FAM107A: variants seen among roughly 807,000 people sequenced by gnomAD.
FAM107A encodes actin-associated protein FAM107A.
FAM107A carries 19 observed loss-of-function variants against 13.7 expected under a neutral mutation model. That is an observed-to-expected ratio of 1.38 (90% CI 0.97 to 2.03). The LOEUF is 2.03. Ranked by LOEUF, FAM107A falls within the 30% of genes most tolerant of loss-of-function variation. The pLI, the probability that FAM107A is intolerant of heterozygous loss-of-function variation, is 0.00. For missense variants in FAM107A, 203 were observed against 184.4 expected, an observed-to-expected ratio of 1.10 and a Z score of -0.58; for synonymous variants, 82 against 74.5, an observed-to-expected ratio of 1.10 and a Z score of -0.52.
chr3:58,570,309 TA>T, intron 1 of FAM107A: 1 of 862,246 alleles, frequency 1.2e-6, no homozygotes, highest in Non-Finnish European at 1.4e-6. Context: ...AATGCAGTGA[TA>T]AAAAGAAAGT....
intron 1 of FAM107A, among the ~76,000 whole-genome samples, chr3:58,615,176 T>TA (rs1373037551): frequency 6.6e-6 from 1 of 152,260 alleles, no homozygotes; most frequent in African/African-American, 2.4e-5. Flanking sequence ...CATTCTCTAT[T>TA]ACGTTTTTAA....
At chr3:58,593,329 A>G (rs2065669913) in intron 1 of FAM107A, among the ~76,000 whole-genome samples, 2 of 152,104 alleles carry the variant, frequency 1.3e-5, no homozygotes, top group African/African-American at 4.8e-5. Context: ...AGTCACCCCC[A>G]CTACTTGGAC....
intron 1 of FAM107A, among the ~76,000 whole-genome samples, chr3:58,585,161 T>A (rs1475966378): frequency 6.6e-6 from 1 of 152,168 alleles, no homozygotes; most frequent in Non-Finnish European, 1.5e-5. Context: ...CCTACGTGTT[T>A]GCTATTCTGC....
At chr3:58,618,331 A>T (rs931211420) in intron 1 of FAM107A, among the ~76,000 whole-genome samples, 1 of 152,224 alleles carries the variant, frequency 6.6e-6, no homozygotes, top group African/African-American at 2.4e-5. Flanking sequence ...GAAGCCAGTG[A>T]TGCTGCACAC....
intron 2 of FAM107A, among the ~76,000 whole-genome samples, chr3:58,568,014 G>A (rs893529030): frequency 1.3e-5 from 2 of 152,112 alleles, no homozygotes; most frequent in African/African-American, 4.8e-5. Flanking sequence ...ATAGCTCACT[G>A]CAGCCTTGAA....
intron 1 of FAM107A, among the ~76,000 whole-genome samples, chr3:58,609,514 C>T (rs2065832597): frequency 6.6e-6 from 1 of 152,162 alleles, no homozygotes; most frequent in African/African-American, 2.4e-5. Context: ...CAGCTTAGTG[C>T]CTGAGCTGCT....
chr3:58,566,495 C>T lies in FAM107A; in HGVS notation c.*93G>A. ...AGCAGGTGGGAACATCACAGACGTC[C>T]CAGGGCCTGGGGCCCAGGGCTGCCA... On this transcript the variant is annotated 3_prime_UTR_variant, in exon 4 of 4. Coordinates refer to ENST00000360997, the MANE Select transcript of FAM107A (RefSeq NM_001076778.3). 1.2e-6 allele frequency: 1 copy of T among 835,884 alleles called. No homozygotes were observed. The highest frequency in any genetic ancestry group is 2.0e-6 in the Non-Finnish European group (1 of 502,902). The allele number at this position is 835,884 out of a possible 1,614,324, so 51.8% of individuals were successfully genotyped here.
intron 1 of FAM107A, among the ~76,000 whole-genome samples, chr3:58,602,761 A>G (rs1462166327): frequency 6.6e-6 from 1 of 152,224 alleles, no homozygotes; most frequent in Non-Finnish European, 1.5e-5. Flanking sequence ...TCAGTCTTAC[A>G]TATCTATATT....
intron 1 of FAM107A, among the ~76,000 whole-genome samples, chr3:58,570,979 G>A (rs2063677882): frequency 6.6e-6 from 1 of 152,204 alleles, no homozygotes; most frequent in African/African-American, 2.4e-5. Flanking sequence ...CCTGCTTGAG[G>A]GCCACCATGT....
chr3:58,621,645 A>AT (rs35550205), intron 1 of FAM107A, among the ~76,000 whole-genome samples: 1 of 152,172 alleles, frequency 6.6e-6, no homozygotes, highest in Non-Finnish European at 1.5e-5. Context: ...AGTGGGTGCT[A>AT]TTTTTATCCC....
intron 1 of FAM107A, among the ~76,000 whole-genome samples, chr3:58,602,752 C>G (rs11709125): frequency 0.27 from 40,842 of 152,030 alleles, 6,082 homozygotes; most frequent in South Asian, 0.5. Context: ...TTTATGTATT[C>G]AGTCTTACAT....
chr3:58,620,808 G>C (rs1024249645), intron 1 of FAM107A, among the ~76,000 whole-genome samples: 2 of 152,200 alleles, frequency 1.3e-5, no homozygotes, highest in African/African-American at 4.8e-5. Flanking sequence ...CCCAGCTTGG[G>C]GAAGGCCAAG....
intron 1 of FAM107A, among the ~76,000 whole-genome samples, chr3:58,575,681 G>A (rs1379142048): frequency 1.3e-5 from 2 of 152,208 alleles, no homozygotes; most frequent in Non-Finnish European, 2.9e-5. Context: ...AAACCCCAAT[G>A]AAGAGGCTGT....
upstream of FAM107A, among the ~76,000 whole-genome samples, chr3:58,580,947 G>A (rs534293200): frequency 3.2e-3 from 487 of 152,296 alleles, 3 homozygotes; most frequent in African/African-American, 0.011. Flanking sequence ...AGTTAGTTAG[G>A]AATCACATCT....
At position 58,565,435 on chromosome 3, in the gene FAM107A, A is replaced by AATT. The variant is rs1271544405; in HGVS notation, c.*1152_*1153insAAT. The stretch of plus-strand genomic sequence containing the variant: ...GACTAGGAAAAAGTAAAAAAAAAAA[A>AATT]TTTTTTTTTTTTTTTTTTTTTTTTT... On this transcript the variant is annotated 3_prime_UTR_variant, in exon 4 of 4. Coordinates refer to ENST00000360997, the MANE Select transcript of FAM107A (RefSeq NM_001076778.3). The AATT allele has an allele frequency of 2.4e-5, 2 of 82,322 alleles. No individual in the cohort carries two copies. The highest frequency in any genetic ancestry group is 4.4e-5 in the Non-Finnish European group (2 of 45,298). 5.1% of individuals were successfully genotyped at this position (82,322 alleles called of 1,614,324 possible). A position where few individuals can be genotyped will look rare whatever the true frequency, so the allele number is the denominator to read the frequency against.
intron 1 of FAM107A, among the ~76,000 whole-genome samples, chr3:58,603,923 G>T (rs2065772380): frequency 6.6e-6 from 1 of 152,180 alleles, no homozygotes; most frequent in African/African-American, 2.4e-5. Flanking sequence ...TAGTAACTGG[G>T]TTTTGAGCTC....
Position 58,569,471 on chromosome 3 carries a change from G to A in FAM107A, c.170+220C>T, listed in dbSNP as rs1577019630. Among the ~76,000 whole-genome samples, 1 of 152,174 alleles carries A rather than the reference G, an allele frequency of 6.6e-6. No homozygotes were observed. The highest frequency in any genetic ancestry group is 1.5e-5 in the Non-Finnish European group (1 of 68,028). On this transcript the variant is annotated intron_variant, in intron 2 of 3. Transcript: ENST00000360997. The surrounding 1 kb of genome is among the most constrained non-coding windows in gnomAD (Gnocchi z 5.7). ...AGTGTGGGCATGAAATGGGTGGCTGGGCAAGAGAACAGGGCTTTTTGGTCC... is the reference window on the plus strand; with the variant it reads ...AGTGTGGGCATGAAATGGGTGGCTGAGCAAGAGAACAGGGCTTTTTGGTCC...
chr3:58,599,121 T>C (rs142560155), intron 1 of FAM107A, among the ~76,000 whole-genome samples: 2,680 of 152,118 alleles, frequency 0.018, 89 homozygotes, highest in African/African-American at 0.059. Flanking sequence ...TTTGTATTTT[T>C]AGTAGAGATG....
intron 1 of FAM107A, among the ~76,000 whole-genome samples, chr3:58,571,867 C>T (rs2063687412): frequency 6.6e-6 from 1 of 152,174 alleles, no homozygotes; most frequent in Non-Finnish European, 1.5e-5. Flanking sequence ...CTCTGTGCCC[C>T]CCAAATCTTC....
Sources: allele counts gnomAD v4.1 joint callset (sites outside exome capture counted in the v4.1 genomes callset), GRCh38; gene constraint gnomAD v4.1.1; non-coding constraint Gnocchi (gnomAD v3.1); transcripts MANE v1.5; gene names NCBI Gene and HGNC (gene_info 2026-07-23, HGNC 2026-07-21).